The following L3HYPDH variants were observed in gnomAD, a reference collection of about 807,000 sequenced individuals.
L3HYPDH encodes trans-3-hydroxy-L-proline dehydratase.
Under a neutral mutation model 26.5 loss-of-function variants are expected in L3HYPDH, and 32 were observed. The observed-to-expected ratio is 1.21, with a 90% confidence interval of 0.91 to 1.62. The LOEUF (loss-of-function observed/expected upper bound fraction) is 1.62. Among genes scored for constraint, L3HYPDH ranks in the 40% most tolerant of loss-of-function variants. L3HYPDH has a pLI of 0.00. For missense variants in L3HYPDH, 554 were observed against 476.4 expected (o/e 1.16, Z -1.52); for synonymous variants, 215 against 196.6 (o/e 1.09, Z -0.78).
chr14:59,475,209 CAAAA>C (rs536772638), intron 4 of L3HYPDH: 1 of 150,218 alleles, frequency 6.7e-6, no homozygotes, highest in Non-Finnish European at 1.5e-5. Flanking sequence ...AACAAAAAAA[CAAAA>C]AAAAACCCCA....
the L3HYPDH span, among the ~76,000 whole-genome samples, chr14:59,495,921 A>T: frequency 6.6e-6 from 1 of 152,226 alleles, no homozygotes; most frequent in Non-Finnish European, 1.5e-5. Context: ...TTTGTTTTTG[A>T]GACAGAGTCT....
upstream of L3HYPDH, chr14:59,484,467 CT>C: frequency 7.1e-7 from 1 of 1,410,188 alleles, no homozygotes; most frequent in African/African-American, 1.4e-5. Flanking sequence ...GAGGGAGGAA[CT>C]TCGGAGCTGT....
the L3HYPDH span, among the ~76,000 whole-genome samples, chr14:59,502,773 T>TTTTTG: frequency 5.5e-3 from 570 of 102,798 alleles, 35 homozygotes; most frequent in African/African-American, 0.015. Context: ...TTTTTTTTTT[T>TTTTTG]CGGAGTCTCA....
chr14:59,471,242 G>A (rs183839253), downstream of L3HYPDH, among the ~76,000 whole-genome samples: 1 of 152,180 alleles, frequency 6.6e-6, no homozygotes, highest in African/African-American at 2.4e-5. Context: ...AATAGCTATT[G>A]TTTAATGTTC....
chr14:59,492,669 G>A, the L3HYPDH span, among the ~76,000 whole-genome samples: 2 of 152,182 alleles, frequency 1.3e-5, no homozygotes, highest in Non-Finnish European at 2.9e-5. Flanking sequence ...CAGGCTTCCA[G>A]AGGAAAAGAG....
chr14:59,486,727 C>T (rs760209515), upstream of L3HYPDH: 25 of 1,588,688 alleles, frequency 1.6e-5, no homozygotes, highest in Non-Finnish European at 2.1e-5. Context: ...CGATATTCAA[C>T]CAGCATGCCT....
intron 1 of L3HYPDH, among the ~76,000 whole-genome samples, chr14:59,483,292 A>C (rs978487173): frequency 6.6e-6 from 1 of 152,236 alleles, no homozygotes; most frequent in Non-Finnish European, 1.5e-5. Flanking sequence ...GAAAAGCAAC[A>C]TTCGTATCTT....
At chr14:59,478,415 ACACT>A (rs889939750) in intron 2 of L3HYPDH, among the ~76,000 whole-genome samples, 1 of 152,056 alleles carries the variant, frequency 6.6e-6, no homozygotes, top group Non-Finnish European at 1.5e-5. Context: ...ACACACACAC[ACACT>A]CACACAAACA....
intron 1 of L3HYPDH, among the ~76,000 whole-genome samples, chr14:59,481,919 C>T (rs1389449860): frequency 6.6e-6 from 1 of 152,158 alleles, no homozygotes; most frequent in Admixed American, 6.5e-5. Flanking sequence ...GAGTTCCTGG[C>T]ACAGATTAGG....
chr14:59,473,218 G>T, intron 4 of L3HYPDH, 128 bp from the exon 5 acceptor site: 1 of 759,108 alleles, frequency 1.3e-6, no homozygotes, highest in Non-Finnish European at 2.0e-6. Flanking sequence ...GCCAGGGAAG[G>T]TTTTTAAGGA....
At chr14:59,479,041 G>C in intron 2 of L3HYPDH, 141 bp downstream of exon 2, 3 of 651,926 alleles carry the variant, frequency 4.6e-6, no homozygotes, top group Non-Finnish European at 7.1e-6. Flanking sequence ...TTGCTCTAGA[G>C]CCTAAGATTT....
the L3HYPDH span, among the ~76,000 whole-genome samples, chr14:59,493,505 T>G: frequency 1.1e-4 from 16 of 152,192 alleles, no homozygotes; most frequent in Non-Finnish European, 2.1e-4. Context: ...CACTAAGTAT[T>G]GAGGTAGTTT....
rs1014092691 is a variant in L3HYPDH at position 59,474,683 on chromosome 14, G to A, written c.939+1186C>T. The A allele has an allele frequency of 2.4e-4, 136 of 560,730 alleles. 1 individual carries two copies. Among genetic ancestry groups the A allele is most frequent in the Admixed American group, 3.4e-5 (1 of 29,476 alleles). The allele number at this position is 560,730 out of a possible 1,614,324, so 34.7% of individuals were successfully genotyped here. On this transcript the variant is annotated intron_variant, in intron 4 of 4. Coordinates refer to ENST00000247194, the MANE Select transcript of L3HYPDH (RefSeq NM_144581.2). Reference sequence around the variant, plus strand: ...AATTACCTAACTTCTCCAATTCTCCGTTTTATCATCTATTGAAAAACGATA... The same window carrying A: ...AATTACCTAACTTCTCCAATTCTCCATTTTATCATCTATTGAAAAACGATA...
At chr14:59,492,444 T>A in the L3HYPDH span, among the ~76,000 whole-genome samples, 14 of 152,190 alleles carry the variant, frequency 9.2e-5, no homozygotes, top group African/African-American at 3.1e-4. Flanking sequence ...CAGAAGCCAG[T>A]CTCTCTTATA....
chr14:59,492,318 A>G, the L3HYPDH span, among the ~76,000 whole-genome samples: 1 of 152,374 alleles, frequency 6.6e-6, no homozygotes, highest in African/African-American at 2.4e-5. Flanking sequence ...AAAAAAATGC[A>G]TAGAAATAAT....
chr14:59,480,636 ATATCAGTATGCTATCAGTCCACAGAAGGC>A (rs1566564378), intron 1 of L3HYPDH, among the ~76,000 whole-genome samples: 1 of 152,226 alleles, frequency 6.6e-6, no homozygotes, highest in African/African-American at 2.4e-5. Flanking sequence ...TCATACAAAG[ATATCAGTATGCTATCAGTCCACAGAAGGC>A]TATCAGTATG....
chr14:59,466,578 AGTGATT>A (rs1566554679), intron 1 of L3HYPDH, among the ~76,000 whole-genome samples: 16 of 152,350 alleles, frequency 1.1e-4, no homozygotes, highest in African/African-American at 3.4e-4. Context: ...AAGCCCTCCC[AGTGATT>A]CTGATGCACA....
downstream of L3HYPDH, among the ~76,000 whole-genome samples, chr14:59,469,087 G>A (rs1430284989): frequency 6.6e-6 from 1 of 152,156 alleles, no homozygotes; most frequent in East Asian, 1.9e-4. Context: ...ACTGATGGGA[G>A]TGATCTCTTT....
chr14:59,480,585 G>C (rs546550391), intron 1 of L3HYPDH, among the ~76,000 whole-genome samples: 3 of 152,288 alleles, frequency 2.0e-5, no homozygotes, highest in Non-Finnish European at 2.9e-5. Context: ...TAAGTTTTGG[G>C]AAAGAAAATA....
Sources: gnomAD v4.1 joint callset for allele counts (sites outside exome capture counted in the v4.1 genomes callset) on GRCh38, gnomAD v4.1.1 for gene constraint, MANE v1.5 for transcripts, NCBI Gene and HGNC (gene_info 2026-07-23, HGNC 2026-07-21) for gene names.